Variants in VEPH1 observed in about 807,000 individuals in gnomAD.
VEPH1 encodes the protein ventricular zone expressed PH domain containing 1, also known as ventricular zone-expressed PH domain-containing protein homolog 1.
A neutral mutation model predicts 85.2 loss-of-function variants in VEPH1; 80 were observed. That is an observed-to-expected ratio of 0.94 (90% CI 0.78 to 1.13). The LOEUF (loss-of-function observed/expected upper bound fraction) is 1.13. Among genes scored for constraint, VEPH1 ranks in the 50% most tolerant of loss-of-function variants. The probability of loss-of-function intolerance (pLI) is 0.00; values close to 1 mark genes in which losing one functional copy is unlikely to be tolerated. For synonymous variants in VEPH1, 297 were observed against 348.0 expected (o/e 0.85, Z 1.63); for missense variants, 955 against 980.5 (o/e 0.97, Z 0.35).
chr3:157,412,123 C>T (rs1182770130), intron 6 of VEPH1, among the ~76,000 whole-genome samples: 4 of 152,122 alleles, frequency 2.6e-5, no homozygotes, highest in Admixed American at 2.6e-4. Context: ...TGTAGGTTTT[C>T]CTGAGGCCTC....
At chr3:157,306,867 C>T (rs928052394) in intron 11 of VEPH1, among the ~76,000 whole-genome samples, 4 of 151,968 alleles carry the variant, frequency 2.6e-5, no homozygotes, top group African/African-American at 9.7e-5. Context: ...TTCCAAGTCT[C>T]CAATATCCAT....
chr3:157,449,677 T>C (rs1335671022), intron 4 of VEPH1, among the ~76,000 whole-genome samples: 1 of 152,234 alleles, frequency 6.6e-6, no homozygotes. Context: ...TGTTTCACTT[T>C]ATCTTGTAAA....
At chr3:157,344,833 G>A (rs369685852) in intron 9 of VEPH1, among the ~76,000 whole-genome samples, 1 of 152,084 alleles carries the variant, frequency 6.6e-6, no homozygotes. Flanking sequence ...CAGAGATATC[G>A]ACCAACGGAA....
rs80301406 is a variant in VEPH1, at chr3:157,406,480, C to T, written c.906+7401G>A. The stretch of plus-strand genomic sequence containing the variant: ...GTTTTTGTAGGCCTGCCGGATGTCA[C>T]AGAAATGCAACCTGGGCAAGATGTG... On this transcript the variant is annotated intron_variant, in intron 6 of 13. Transcript: ENST00000362010. Among the ~76,000 whole-genome samples, 744 of 152,236 alleles carry T rather than the reference C, an allele frequency of 4.9e-3. 9 individuals carry two copies. The highest frequency in any genetic ancestry group is 0.017 in the African/African-American group (706 of 41,536).
intron 5 of VEPH1, among the ~76,000 whole-genome samples, chr3:157,414,773 G>T (rs1731774389): frequency 6.6e-6 from 1 of 152,112 alleles, no homozygotes; most frequent in Non-Finnish European, 1.5e-5. Context: ...ATAATTTGAT[G>T]AATTGTTTTG....
In VEPH1 at chr3:157,470,395, T is replaced by C. The variant is rs946541645; in HGVS notation, c.273A>G (p.Glu91=). ...CTTTCCCAAAGGGTCTCAGGTTATG[T>C]TCCAAGCAGGAGTCCCAGAGCCCCA... The part of the protein sequence containing the change: ...ALVGLWDSCL[E]HNLRPFGKDE... The change falls in exon 3 of 14, where the codon GAA becomes GAG. Residue 91 remains glutamate, a synonymous_variant. Coordinates refer to ENST00000362010, the MANE Select transcript of VEPH1 (RefSeq NM_001167912.2). The C allele has an allele frequency of 5.6e-6, 9 of 1,614,128 alleles. No homozygotes were observed. The highest frequency in any genetic ancestry group is 3.3e-5 in the Admixed American group (2 of 59,996).
intron 11 of VEPH1, among the ~76,000 whole-genome samples, chr3:157,306,312 T>C (rs1719505559): frequency 6.6e-6 from 1 of 152,130 alleles, no homozygotes; most frequent in African/African-American, 2.4e-5. Flanking sequence ...CTAAATATAG[T>C]GTATTTTTAT....
At chr3:157,345,267 C>A (rs964801054) in intron 9 of VEPH1, among the ~76,000 whole-genome samples, 2 of 151,922 alleles carry the variant, frequency 1.3e-5, no homozygotes, top group African/African-American at 4.8e-5. Context: ...AAAATTTTTG[C>A]AATCTACTCA....
chr3:157,493,607 G>A (rs974320578), intron 2 of VEPH1, among the ~76,000 whole-genome samples: 1 of 152,180 alleles, frequency 6.6e-6, no homozygotes, highest in South Asian at 2.1e-4. Context: ...GAAGACACAC[G>A]AACTCCTGGC....
At chr3:157,354,319 G>A (rs1053872711) in intron 9 of VEPH1, among the ~76,000 whole-genome samples, 1 of 151,918 alleles carries the variant, frequency 6.6e-6, no homozygotes, top group African/African-American at 2.4e-5. Flanking sequence ...CTCTTGATTT[G>A]TATCTCCCCA....
Position 157,345,744 on chromosome 3 carries a change from G to A in VEPH1, c.1735+17620C>T, listed in dbSNP as rs1439245699. On this transcript the variant is annotated intron_variant, in intron 9 of 13. Transcript: ENST00000362010. The stretch of plus-strand genomic sequence containing the variant: ...ACACATGCACACGTATGTTCATTGC[G>A]GCACTATTCACAATAGCAAAGACTT... 5.9e-5 allele frequency among the ~76,000 whole-genome samples: 9 copies of A among 152,100 alleles called. No homozygotes were observed. In the East Asian group the frequency reaches 1.3e-3, roughly 23 times the overall value.
intron 5 of VEPH1, among the ~76,000 whole-genome samples, chr3:157,425,133 C>T (rs1732656218): frequency 6.6e-6 from 1 of 152,228 alleles, no homozygotes; most frequent in African/African-American, 2.4e-5. Context: ...CAAAGTACAG[C>T]TCGGGCCATG....
intron 2 of VEPH1, among the ~76,000 whole-genome samples, chr3:157,492,309 C>T (rs557950389): frequency 6.6e-6 from 1 of 152,140 alleles, no homozygotes; most frequent in African/African-American, 2.4e-5. Context: ...CTGATCCGTA[C>T]GAGTTATAAT....
chr3:157,461,734 A>G (rs1735891827), intron 3 of VEPH1, among the ~76,000 whole-genome samples: 1 of 152,158 alleles, frequency 6.6e-6, no homozygotes, highest in Middle Eastern at 3.2e-3. Context: ...ATGGGGAAAA[A>G]ACATATCCCC....
chr3:157,493,116 G>C (rs1294892844), intron 2 of VEPH1: 1 of 397,196 alleles, frequency 2.5e-6, no homozygotes, highest in African/African-American at 2.1e-5. Context: ...TGCCATCAAG[G>C]TTTTATGCAA....
intron 13 of VEPH1, among the ~76,000 whole-genome samples, chr3:157,263,086 A>G (rs1713134098): frequency 6.6e-6 from 1 of 152,196 alleles, no homozygotes; most frequent in Non-Finnish European, 1.5e-5. Flanking sequence ...AGAGTCTTCC[A>G]CTAGAGTCTT....
intron 7 of VEPH1, among the ~76,000 whole-genome samples, chr3:157,379,186 G>A (rs935806799): frequency 1.1e-4 from 16 of 152,186 alleles, no homozygotes; most frequent in African/African-American, 3.4e-4. Context: ...AGCATGAAAG[G>A]CCTCTGATAA....
intron 2 of VEPH1, among the ~76,000 whole-genome samples, chr3:157,474,204 T>A (rs1666217273): frequency 2.0e-5 from 3 of 152,170 alleles, no homozygotes; most frequent in Admixed American, 2.0e-4. Context: ...AACTAATGTG[T>A]CTATCTGCTT....
chr3:157,488,881 A>T (rs756934026), intron 2 of VEPH1, among the ~76,000 whole-genome samples: 2 of 147,662 alleles, frequency 1.4e-5, no homozygotes, highest in Non-Finnish European at 3.0e-5. Flanking sequence ...TTATCATCCT[A>T]GTTTTTCAGG....
Sources: gnomAD v4.1 joint callset for allele counts (sites outside exome capture counted in the v4.1 genomes callset) on GRCh38, gnomAD v4.1.1 for gene constraint, MANE v1.5 for transcripts, NCBI Gene and HGNC (gene_info 2026-07-23, HGNC 2026-07-21) for gene names.